Variants in FRMD5 observed in about 807,000 individuals in gnomAD.
FRMD5 encodes the protein FERM domain-containing protein 5.
FRMD5 carries 20 observed loss-of-function variants against 69.0 expected under a neutral mutation model. The observed-to-expected ratio is 0.29, with a 90% CI of 0.20 to 0.42. The LOEUF (loss-of-function observed/expected upper bound fraction) is 0.42, where lower values mean the gene tolerates loss of function less well. FRMD5 is among the 10% of genes least tolerant of loss of function. FRMD5 has a pLI of 1.00. For synonymous variants in FRMD5, 271 were observed against 260.1 expected (o/e 1.04, Z -0.40); for missense variants, 595 against 708.6 (o/e 0.84, Z 1.82).
intron 1 of FRMD5, among the ~76,000 whole-genome samples, chr15:44,021,985 CA>C (rs2140253742): frequency 6.6e-6 from 1 of 152,194 alleles, no homozygotes; most frequent in African/African-American, 2.4e-5. Context: ...GTACATGCTA[CA>C]AGATAGACGA....
At chr15:43,922,636 G>C (rs1334094962) in intron 2 of FRMD5, among the ~76,000 whole-genome samples, 1 of 151,408 alleles carries the variant, frequency 6.6e-6, no homozygotes, top group Non-Finnish European at 1.5e-5. Flanking sequence ...ACCACTCTAG[G>C]GGATGAAGAG....
At chr15:44,004,823 G>A (rs1452387032) in intron 1 of FRMD5, among the ~76,000 whole-genome samples, 1 of 152,236 alleles carries the variant, frequency 6.6e-6, no homozygotes, top group African/African-American at 2.4e-5. Context: ...AGAAAAGCAG[G>A]TTGAAAGCTG....
At chr15:43,883,942 A>AC in intron 12 of FRMD5, 133 bp from the exon 13 acceptor site, 1 of 669,512 alleles carries the variant, frequency 1.5e-6, no homozygotes. Flanking sequence ...TAAAATCTTT[A>AC]ATACCTTCTC....
intron 1 of FRMD5, among the ~76,000 whole-genome samples, chr15:43,933,755 G>A (rs2089713983): frequency 1.3e-5 from 2 of 152,164 alleles, no homozygotes; most frequent in Admixed American, 6.5e-5. Flanking sequence ...ATGACAGTGG[G>A]CAGCTACCCA....
chr15:44,103,596 T>A (rs1054244795), intron 1 of FRMD5, among the ~76,000 whole-genome samples: 10 of 152,338 alleles, frequency 6.6e-5, no homozygotes, highest in African/African-American at 2.4e-4. Context: ...GGTACATACA[T>A]AAGGTTGTGC....
intron 1 of FRMD5, among the ~76,000 whole-genome samples, chr15:44,060,205 T>C (rs1458772667): frequency 6.6e-6 from 1 of 152,144 alleles, no homozygotes; most frequent in East Asian, 1.9e-4. Context: ...AGAAACTCAT[T>C]CTACAGCCTA....
intron 4 of FRMD5, among the ~76,000 whole-genome samples, chr15:43,917,378 T>G (rs2089409708): frequency 6.6e-6 from 1 of 152,072 alleles, no homozygotes. Flanking sequence ...TAGTGGTATT[T>G]TAACAAAACT....
At chr15:43,901,050 T>C (rs1006903113) in intron 7 of FRMD5, among the ~76,000 whole-genome samples, 1 of 152,194 alleles carries the variant, frequency 6.6e-6, no homozygotes, top group East Asian at 1.9e-4. Context: ...ACTGAGGTCA[T>C]TAGGATGGGC....
At chr15:43,971,870 C>T (rs1039600100) in intron 1 of FRMD5, among the ~76,000 whole-genome samples, 2 of 148,868 alleles carry the variant, frequency 1.3e-5, no homozygotes, top group African/African-American at 4.9e-5. Context: ...CCACGCCTGG[C>T]TAATTTTTTG....
At chr15:44,135,218 C>A (rs1368701069) in intron 1 of FRMD5, among the ~76,000 whole-genome samples, 1 of 152,090 alleles carries the variant, frequency 6.6e-6, no homozygotes, top group Non-Finnish European at 1.5e-5. Context: ...TTATAAAAAA[C>A]AAGAGTAGTG....
chr15:44,010,930 C>A (rs1393699895), intron 1 of FRMD5, among the ~76,000 whole-genome samples: 1 of 151,718 alleles, frequency 6.6e-6, no homozygotes, highest in Non-Finnish European at 1.5e-5. Flanking sequence ...TAGCACTGGG[C>A]ACGATGAGAG....
rs143868686 is a variant in FRMD5, at chr15:44,152,459, T to C, written c.102+42494A>G. On this transcript the variant is annotated intron_variant, in intron 1 of 13. Coordinates refer to ENST00000417257, the MANE Select transcript of FRMD5 (RefSeq NM_032892.5). ...TTGGTTTGTTCCAGTTTGGGACAAT[T>C]ATAAAGTTGCTACACACATTCTCAT... Among the ~76,000 whole-genome samples the C allele has an allele frequency of 3.8e-3, 573 of 152,334 alleles. 2 individuals carry two copies. The highest frequency in any genetic ancestry group is 6.8e-3 in the Middle Eastern group (2 of 294).
chr15:44,152,776 T>G (rs189436946), intron 1 of FRMD5, among the ~76,000 whole-genome samples: 1 of 152,230 alleles, frequency 6.6e-6, no homozygotes, highest in Non-Finnish European at 1.5e-5. Context: ...TGACATATTT[T>G]GTCTGTTAAA....
chr15:44,071,635 G>T (rs1193329759), intron 1 of FRMD5, among the ~76,000 whole-genome samples: 1 of 151,794 alleles, frequency 6.6e-6, no homozygotes, highest in Non-Finnish European at 1.5e-5. Flanking sequence ...CTCTATCATG[G>T]GTATCCAGAG....
At chr15:43,993,119 T>C (rs1390074895) in intron 1 of FRMD5, among the ~76,000 whole-genome samples, 1 of 152,216 alleles carries the variant, frequency 6.6e-6, no homozygotes, top group African/African-American at 2.4e-5. Context: ...GAAAAGATAT[T>C]TGATATGATT....
intron 1 of FRMD5, among the ~76,000 whole-genome samples, chr15:44,077,421 C>T (rs1204784438): frequency 6.6e-6 from 1 of 151,946 alleles, no homozygotes; most frequent in Non-Finnish European, 1.5e-5. Context: ...TATTCAACTG[C>T]ATTGTCAAAA....
chr15:43,884,900 T>A, intron 11 of FRMD5, 105 bp from the exon 12 acceptor site: 1 of 964,320 alleles, frequency 1.0e-6, no homozygotes, highest in Non-Finnish European at 1.6e-6. Flanking sequence ...AAATGGCATC[T>A]GTGGCCCACC....
chr15:43,951,980 T>G (rs1212708912), intron 1 of FRMD5, among the ~76,000 whole-genome samples: 3 of 107,710 alleles, frequency 2.8e-5, no homozygotes, highest in East Asian at 2.4e-4. Context: ...TGTGTGTGTG[T>G]TGTGTGTGTG....
chr15:44,034,141 C>T (rs377539356), intron 1 of FRMD5, among the ~76,000 whole-genome samples: 95 of 152,198 alleles, frequency 6.2e-4, no homozygotes, highest in African/African-American at 2.2e-3. Context: ...ATAGTCTGGG[C>T]ATGAGAAAGA....
Sources: allele counts gnomAD v4.1 joint callset (sites outside exome capture counted in the v4.1 genomes callset), GRCh38; gene constraint gnomAD v4.1.1; transcripts MANE v1.5; gene names NCBI Gene and HGNC (gene_info 2026-07-23, HGNC 2026-07-21).